The following CDH12 variants were observed in gnomAD, a reference collection of about 807,000 sequenced individuals.
The protein encoded by CDH12 is cadherin-12.
A neutral mutation model predicts 74.1 loss-of-function variants in CDH12; 41 were observed. The observed-to-expected ratio is 0.55, with a 90% CI of 0.43 to 0.72. The LOEUF is 0.72. CDH12 is among the 30% of genes least tolerant of loss of function. CDH12 has a pLI of 0.00. For synonymous variants in CDH12, 399 were observed against 355.0 expected, an observed-to-expected ratio of 1.12 and a Z score of -1.39; for missense variants, 945 against 977.2, an observed-to-expected ratio of 0.97 and a Z score of 0.44.
chr5:22,807,149 A>G (rs1475787719), intron 1 of CDH12, among the ~76,000 whole-genome samples: 2 of 152,176 alleles, frequency 1.3e-5, no homozygotes, highest in South Asian at 2.1e-4. Flanking sequence ...TTTTGACTGA[A>G]AAGGGCTAAA....
At chr5:22,192,701 G>A (rs1351460709) in intron 4 of CDH12, among the ~76,000 whole-genome samples, 1 of 152,180 alleles carries the variant, frequency 6.6e-6, no homozygotes, top group Admixed American at 6.5e-5. Context: ...CTGGGGGGAT[G>A]TCAGAGTAGA....
At chr5:22,681,301 C>G (rs1741481294) in intron 1 of CDH12, among the ~76,000 whole-genome samples, 1 of 147,890 alleles carries the variant, frequency 6.8e-6, no homozygotes, top group Non-Finnish European at 1.5e-5. Context: ...TTTTTTCTAA[C>G]TATTGAAGGT....
At chr5:22,056,321 T>A (rs1740742076) in intron 5 of CDH12, among the ~76,000 whole-genome samples, 1 of 152,192 alleles carries the variant, frequency 6.6e-6, no homozygotes, top group South Asian at 2.1e-4. Flanking sequence ...ATGTTTTCCA[T>A]CTGTGCTTTC....
At chr5:22,711,712 T>G (rs1038778545) in intron 1 of CDH12, among the ~76,000 whole-genome samples, 2 of 152,070 alleles carry the variant, frequency 1.3e-5, no homozygotes, top group Non-Finnish European at 2.9e-5. Flanking sequence ...AATCTATCAA[T>G]TTACTTGATT....
intron 8 of CDH12, among the ~76,000 whole-genome samples, chr5:21,828,258 G>A (rs1748794469): frequency 6.6e-6 from 1 of 151,906 alleles, no homozygotes. Context: ...AAGTAGCCGG[G>A]GCTACAGTTG....
intron 13 of CDH12, among the ~76,000 whole-genome samples, chr5:21,759,428 T>G (rs554982607): frequency 6.6e-6 from 1 of 151,230 alleles, no homozygotes; most frequent in African/African-American, 2.4e-5. Flanking sequence ...AATAAATAAA[T>G]AAATAAAAGT....
chr5:22,456,245 T>TGC (rs1491184118), intron 2 of CDH12, among the ~76,000 whole-genome samples: 1 of 2,984 alleles, frequency 3.4e-4, no homozygotes, highest in African/African-American at 7.9e-4. Flanking sequence ...TCTATATATA[T>TGC]GTGTGTGTGT....
At chr5:22,794,322 G>GA (rs1175008009) in intron 1 of CDH12, among the ~76,000 whole-genome samples, 1 of 152,162 alleles carries the variant, frequency 6.6e-6, no homozygotes, top group Admixed American at 6.5e-5. Context: ...TTGAGTACTA[G>GA]AAAAGAGTCC....
intron 1 of CDH12, among the ~76,000 whole-genome samples, chr5:22,629,626 C>A (rs577144365): frequency 2.0e-5 from 3 of 152,130 alleles, no homozygotes; most frequent in African/African-American, 4.8e-5. Flanking sequence ...TAATTAGATT[C>A]ATCTATGGCA....
At chr5:22,613,251 GT>G (rs1264068091) in intron 1 of CDH12, among the ~76,000 whole-genome samples, 4 of 152,026 alleles carry the variant, frequency 2.6e-5, no homozygotes, top group African/African-American at 9.7e-5. Context: ...AAAAAAGTAA[GT>G]TTTGGTTAAG....
chr5:22,351,634 A>G (rs1356670674), intron 3 of CDH12, among the ~76,000 whole-genome samples: 1 of 152,230 alleles, frequency 6.6e-6, no homozygotes, highest in Non-Finnish European at 1.5e-5. Flanking sequence ...TCACCAATTT[A>G]TACTAATTGA....
chr5:22,352,880 A>C (rs142398022), intron 3 of CDH12, among the ~76,000 whole-genome samples: 1,798 of 152,224 alleles, frequency 0.012, 37 homozygotes, highest in African/African-American at 0.04. Flanking sequence ...TCAGAATCAA[A>C]ATACTAAGAC....
At chr5:22,811,244 G>T (rs572827684) in intron 1 of CDH12, among the ~76,000 whole-genome samples, 2 of 152,100 alleles carry the variant, frequency 1.3e-5, no homozygotes, top group South Asian at 4.1e-4. Context: ...ATAGAGAAGA[G>T]GAAAGCGAGG....
intron 1 of CDH12, among the ~76,000 whole-genome samples, chr5:22,587,766 T>G (rs945386156): frequency 6.6e-6 from 1 of 151,990 alleles, no homozygotes; most frequent in African/African-American, 2.4e-5. Context: ...TATATGGACC[T>G]AGAATGGCAC....
intron 1 of CDH12, among the ~76,000 whole-genome samples, chr5:22,624,292 A>T (rs899141632): frequency 6.6e-6 from 1 of 152,222 alleles, no homozygotes; most frequent in African/African-American, 2.4e-5. Context: ...AAAGGTAACG[A>T]AAGCCAAAAT....
intron 1 of CDH12, among the ~76,000 whole-genome samples, chr5:22,577,231 T>C (rs373020352): frequency 6.6e-6 from 1 of 152,176 alleles, no homozygotes; most frequent in South Asian, 2.1e-4. Context: ...GGGTTAAGCA[T>C]AGAGCATGCA....
At position 22,851,662 on chromosome 5, in the gene CDH12, C is replaced by T. The variant is rs539218837; in HGVS notation, c.-523+1396G>A. Among the ~76,000 whole-genome samples, 311 of 152,240 alleles carry T rather than the reference C, an allele frequency of 2.0e-3. 1 individual carries two copies. Among genetic ancestry groups the T allele is most frequent in the Non-Finnish European group, 3.7e-3 (252 of 68,008 alleles). ...AGGGAAGCCCCTGTTTTGCATGTGG[C>T]TATCCACTCAACCACTCCAAAACAA... On this transcript the variant is annotated intron_variant, in intron 1 of 14. Transcript: ENST00000382254.
intron 1 of CDH12, among the ~76,000 whole-genome samples, chr5:22,577,934 C>T (rs1261822281): frequency 6.6e-6 from 1 of 152,130 alleles, no homozygotes; most frequent in East Asian, 1.9e-4. Flanking sequence ...CTAATGTAGT[C>T]CCAAATTAAC....
chr5:21,848,063 G>C (rs34589502), intron 7 of CDH12, among the ~76,000 whole-genome samples: 9,420 of 152,120 alleles, frequency 0.062, 364 homozygotes, highest in East Asian at 0.14. Flanking sequence ...TGGCAAATAA[G>C]TGTTTATCCT....
Sources: allele counts gnomAD v4.1 joint callset (sites outside exome capture counted in the v4.1 genomes callset), GRCh38; gene constraint gnomAD v4.1.1; transcripts MANE v1.5; gene names NCBI Gene and HGNC (gene_info 2026-07-23, HGNC 2026-07-21).